ADARB2: variants seen among roughly 807,000 people sequenced by gnomAD.
The protein encoded by ADARB2 is inactive double-stranded RNA-specific editase B2.
Under a neutral mutation model 62.2 loss-of-function variants are expected in ADARB2, and 25 were observed. The observed-to-expected ratio is 0.40, with a 90% CI of 0.29 to 0.56. The LOEUF is 0.56. Ranked by LOEUF, ADARB2 falls within the 20% of genes least tolerant of loss-of-function variation. The pLI is 0.43. For missense variants in ADARB2, 1,071 were observed against 1,077.4 expected, an observed-to-expected ratio of 0.99 and a Z score of 0.08; for synonymous variants, 572 against 500.8, an observed-to-expected ratio of 1.14 and a Z score of -1.90.
intron 1 of ADARB2, among the ~76,000 whole-genome samples, chr10:1,420,347 G>C (rs545654626): frequency 1.3e-5 from 2 of 152,198 alleles, no homozygotes; most frequent in South Asian, 2.1e-4. Context: ...TGTGGTGGGG[G>C]ATTGTCAGGC....
At chr10:1,199,693 A>T (rs987375093) in intron 8 of ADARB2, 9 of 392,988 alleles carry the variant, frequency 2.3e-5, no homozygotes, top group African/African-American at 4.1e-5. Context: ...AACACTAGTG[A>T]TTCTGTTTTC....
At chr10:1,320,425 G>A (rs1831784720) in intron 3 of ADARB2, among the ~76,000 whole-genome samples, 1 of 152,162 alleles carries the variant, frequency 6.6e-6, no homozygotes, top group Non-Finnish European at 1.5e-5. Flanking sequence ...GATTTTAGGG[G>A]TGTTGGGCTT....
intron 1 of ADARB2, among the ~76,000 whole-genome samples, chr10:1,723,677 C>T (rs1588367377): frequency 2.0e-5 from 3 of 152,254 alleles, no homozygotes; most frequent in Admixed American, 2.0e-4. Context: ...ACGGTTCTCT[C>T]CATCTTTAAT....
chr10:1,573,512 C>T (rs1013057580), intron 1 of ADARB2, among the ~76,000 whole-genome samples: 2 of 152,306 alleles, frequency 1.3e-5, no homozygotes, highest in African/African-American at 4.8e-5. Context: ...AACACCCCAC[C>T]CTCACTCTCA....
rs138773721 is a variant in ADARB2, at chr10:1,247,783, G to A, written c.1193-5484C>T. Among the ~76,000 whole-genome samples, 481 of 152,344 alleles carry A rather than the reference G, an allele frequency of 3.2e-3. 3 individuals carry two copies. The highest frequency in any genetic ancestry group is 0.011 in the African/African-American group (459 of 41,584). On this transcript the variant is annotated intron_variant, in intron 4 of 9. Coordinates refer to ENST00000381312, the MANE Select transcript of ADARB2 (RefSeq NM_018702.4). ...TGCCACCATGGCGGGACCACAGGCA[G>A]GTCTAGGGCCCTCATACCTATGGGG...
At chr10:1,723,651 CCTT>C (rs1330839660) in intron 1 of ADARB2, among the ~76,000 whole-genome samples, 2 of 152,134 alleles carry the variant, frequency 1.3e-5, no homozygotes, top group Non-Finnish European at 2.9e-5. Context: ...GGACAGCAGC[CCTT>C]CTTAGAATCA....
At chr10:1,471,916 C>T (rs1255248944) in intron 1 of ADARB2, among the ~76,000 whole-genome samples, 7 of 152,192 alleles carry the variant, frequency 4.6e-5, no homozygotes, top group East Asian at 3.8e-4. Context: ...CTATGAACAG[C>T]GGTCTCTGGG....
chr10:1,669,827 C>A (rs1834360758), intron 1 of ADARB2, among the ~76,000 whole-genome samples: 1 of 151,650 alleles, frequency 6.6e-6, no homozygotes, highest in South Asian at 2.1e-4. Flanking sequence ...CATAGACTCA[C>A]AGACACACAA....
chr10:1,365,519 T>C (rs1832306531), intron 2 of ADARB2, among the ~76,000 whole-genome samples: 2 of 152,206 alleles, frequency 1.3e-5, no homozygotes, highest in South Asian at 4.1e-4. Flanking sequence ...ATGGCCAAGA[T>C]GGGTCAAAAT....
chr10:1,449,400 T>A (rs371520292), intron 1 of ADARB2, among the ~76,000 whole-genome samples: 2 of 152,188 alleles, frequency 1.3e-5, no homozygotes, highest in African/African-American at 4.8e-5. Context: ...GTGTGTGCAA[T>A]GCATCCCCAT....
At chr10:1,618,562 T>TTC (rs1554775673) in intron 1 of ADARB2, among the ~76,000 whole-genome samples, 1 of 151,728 alleles carries the variant, frequency 6.6e-6, no homozygotes, top group African/African-American at 2.4e-5. Flanking sequence ...AGATTTTTTT[T>TTC]TGAGAGAGGG....
chr10:1,214,030 C>T (rs116568641), intron 7 of ADARB2, among the ~76,000 whole-genome samples: 1,522 of 151,358 alleles, frequency 0.01, 21 homozygotes, highest in African/African-American at 0.035. Flanking sequence ...CTGTGTCCAG[C>T]GTTGTGTAGC....
Position 1,383,435 on chromosome 10 carries a change from TAA to T in ADARB2, c.101-4277_101-4276del, listed in dbSNP as rs36078172. The stretch of plus-strand genomic sequence containing the variant: ...GGTGAGGATTTTCCTTGAGTATGAT[TAA>T]AAAAAAAAAAGCGATGGCTTATTTT... On this transcript the variant is annotated intron_variant, in intron 1 of 9. Transcript: ENST00000381312. Among the ~76,000 whole-genome samples, 1,017 of 147,626 alleles carry T rather than the reference TAA, an allele frequency of 6.9e-3. 22 individuals are homozygous for T. The East Asian group carries it at 0.069, about 10-fold the overall frequency.
At chr10:1,697,387 A>G (rs1324344506) in intron 1 of ADARB2, among the ~76,000 whole-genome samples, 1 of 152,216 alleles carries the variant, frequency 6.6e-6, no homozygotes, top group Non-Finnish European at 1.5e-5. Context: ...AGTAGTGTGA[A>G]CATTGACTGA....
At chr10:1,523,931 A>G (rs1564316612) in intron 1 of ADARB2, among the ~76,000 whole-genome samples, 1 of 152,170 alleles carries the variant, frequency 6.6e-6, no homozygotes, top group Non-Finnish European at 1.5e-5. Context: ...TGTCTACTCA[A>G]TATCCACCCA....
chr10:1,454,414 A>G (rs2820630), intron 1 of ADARB2, among the ~76,000 whole-genome samples: 82,290 of 152,046 alleles, frequency 0.54, 24,321 homozygotes, highest in Middle Eastern at 0.67. Context: ...TGGCAGCACA[A>G]TTTATGATGG....
intron 1 of ADARB2, among the ~76,000 whole-genome samples, chr10:1,692,076 C>T (rs573620733): frequency 1.4e-4 from 22 of 152,356 alleles, no homozygotes; most frequent in Non-Finnish European, 3.1e-4. Flanking sequence ...AATTTTCTTA[C>T]TGAACGGGTC....
At position 1,552,477 on chromosome 10, in the gene ADARB2, G is replaced by C. The variant is rs140515521; in HGVS notation, c.101-173317C>G. Reference sequence around the variant, plus strand: ...AGGATCTGTGTGTTCACCCCACAGTGGCTCCAGAGAACATGGGCGGCTGTC... The same window carrying C: ...AGGATCTGTGTGTTCACCCCACAGTCGCTCCAGAGAACATGGGCGGCTGTC... On this transcript the variant is annotated intron_variant, in intron 1 of 9. Transcript: ENST00000381312. 5.9e-5 allele frequency among the ~76,000 whole-genome samples: 9 copies of C among 152,358 alleles called. No homozygotes were observed. In the East Asian group the frequency reaches 1.2e-3, roughly 20 times the overall value.
intron 3 of ADARB2, among the ~76,000 whole-genome samples, chr10:1,353,567 T>C (rs1201411637): frequency 6.6e-6 from 1 of 152,142 alleles, no homozygotes; most frequent in Admixed American, 6.5e-5. Context: ...CCGCACTTAC[T>C]TAAAAAACCC....
Sources: allele counts gnomAD v4.1 joint callset (sites outside exome capture counted in the v4.1 genomes callset), GRCh38; gene constraint gnomAD v4.1.1; transcripts MANE v1.5; gene names NCBI Gene and HGNC (gene_info 2026-07-23, HGNC 2026-07-21).